The following PTPRN2 variants were observed in gnomAD, a reference collection of about 807,000 sequenced individuals.
PTPRN2 encodes receptor-type tyrosine-protein phosphatase N2.
In PTPRN2, 74 loss-of-function variants were observed where a neutral mutation model predicts 118.8. The observed-to-expected ratio is 0.62, with a 90% CI of 0.52 to 0.76. PTPRN2 has a LOEUF of 0.76. Among genes scored for constraint, PTPRN2 ranks in the 30% least tolerant of loss-of-function variants. PTPRN2 has a pLI of 0.00. For synonymous variants in PTPRN2, 641 were observed against 608.0 expected, an observed-to-expected ratio of 1.05 and a Z score of -0.80; for missense variants, 1,481 against 1,394.4, an observed-to-expected ratio of 1.06 and a Z score of -0.99.
intron 21 of PTPRN2, among the ~76,000 whole-genome samples, chr7:157,564,901 G>A (rs766492732): frequency 4.6e-5 from 7 of 152,206 alleles, no homozygotes; most frequent in Non-Finnish European, 7.3e-5. Flanking sequence ...CGGAAACAAC[G>A]GCACTGTCCA....
intron 11 of PTPRN2, among the ~76,000 whole-genome samples, chr7:157,946,717 G>C (rs1800511037): frequency 6.6e-6 from 1 of 152,232 alleles, no homozygotes; most frequent in African/African-American, 2.4e-5. Flanking sequence ...GGTTACTTTT[G>C]TCCACAAAAT....
intron 2 of PTPRN2, among the ~76,000 whole-genome samples, chr7:158,409,770 C>T (rs1465327517): frequency 6.6e-6 from 1 of 152,188 alleles, no homozygotes; most frequent in Non-Finnish European, 1.5e-5. Context: ...CAGGTGCCCT[C>T]ACAGAGCATG....
intron 2 of PTPRN2, among the ~76,000 whole-genome samples, chr7:158,333,842 T>G (rs201438586): frequency 2.6e-5 from 1 of 39,164 alleles, no homozygotes; most frequent in South Asian, 7.1e-4. Context: ...ACTCTCACCA[T>G]AGAGCTGACA....
At chr7:157,709,619 C>T (rs879604805) in intron 12 of PTPRN2, among the ~76,000 whole-genome samples, 4 of 152,206 alleles carry the variant, frequency 2.6e-5, no homozygotes, top group Non-Finnish European at 5.9e-5. Context: ...CGTTGTGCAG[C>T]CACATGGCCC....
intron 12 of PTPRN2, among the ~76,000 whole-genome samples, chr7:157,819,148 G>A (rs1035352027): frequency 3.9e-5 from 6 of 152,138 alleles, no homozygotes; most frequent in East Asian, 1.9e-4. Context: ...ACCTGCACCC[G>A]CTCAGGGTGG....
rs566437948 is a variant in PTPRN2 at position 158,180,292 on chromosome 7, T to C, written c.549+12035A>G. On this transcript the variant is annotated intron_variant, in intron 5 of 22. Coordinates refer to ENST00000389418, the MANE Select transcript of PTPRN2 (RefSeq NM_002847.5). ...CAAAGATCAGTTGGTTGTAAGTGTT[T>C]GGGTTTATTTCTGGGTTCTTTATTC... Among the ~76,000 whole-genome samples the C allele has an allele frequency of 1.1e-4, 17 of 152,352 alleles. No individual in the cohort carries two copies. In the South Asian group the frequency reaches 3.5e-3, roughly 32 times the overall value.
At chr7:157,778,380 C>T (rs1291279522) in intron 12 of PTPRN2, among the ~76,000 whole-genome samples, 5 of 151,572 alleles carry the variant, frequency 3.3e-5, no homozygotes, top group South Asian at 4.2e-4. Flanking sequence ...AACATGTCCA[C>T]GTGAATACAG....
intron 13 of PTPRN2, among the ~76,000 whole-genome samples, chr7:157,673,431 C>G (rs1796507542): frequency 6.6e-6 from 1 of 152,220 alleles, no homozygotes; most frequent in African/African-American, 2.4e-5. Flanking sequence ...AAGAAGGGAG[C>G]ACTATTCTGC....
At chr7:158,042,530 A>G (rs779949970) in intron 11 of PTPRN2, among the ~76,000 whole-genome samples, 2 of 152,238 alleles carry the variant, frequency 1.3e-5, no homozygotes, top group Non-Finnish European at 2.9e-5. Flanking sequence ...AATCCTAAAT[A>G]TAACATTTCC....
At chr7:158,138,719 A>G (rs1819081253) in intron 6 of PTPRN2, among the ~76,000 whole-genome samples, 1 of 152,184 alleles carries the variant, frequency 6.6e-6, no homozygotes. Flanking sequence ...TCACTAGTTC[A>G]GTTCCCCAGA....
intron 14 of PTPRN2, among the ~76,000 whole-genome samples, chr7:157,644,925 G>T (rs1038657691): frequency 6.6e-6 from 1 of 152,192 alleles, no homozygotes; most frequent in Non-Finnish European, 1.5e-5. Flanking sequence ...CTACCCAGCC[G>T]GCTCCTTTCT....
At chr7:158,141,900 T>A (rs946329465) in intron 6 of PTPRN2, among the ~76,000 whole-genome samples, 3 of 152,224 alleles carry the variant, frequency 2.0e-5, no homozygotes, top group Non-Finnish European at 4.4e-5. Flanking sequence ...GTACACGAAA[T>A]GTGTGACGGA....
At chr7:158,272,570 G>A (rs1425177892) in intron 3 of PTPRN2, among the ~76,000 whole-genome samples, 2 of 152,180 alleles carry the variant, frequency 1.3e-5, no homozygotes, top group African/African-American at 4.8e-5. Flanking sequence ...CCACCTCAAA[G>A]ACACCGCACG....
intron 17 of PTPRN2, among the ~76,000 whole-genome samples, chr7:157,588,174 G>A (rs1202579921): frequency 2.0e-5 from 3 of 152,242 alleles, no homozygotes; most frequent in Non-Finnish European, 4.4e-5. Flanking sequence ...TGTATCTCCT[G>A]GGCACAGCCA....
At chr7:158,146,795 G>T (rs563116338) in intron 6 of PTPRN2, among the ~76,000 whole-genome samples, 1 of 151,628 alleles carries the variant, frequency 6.6e-6, no homozygotes, top group African/African-American at 2.4e-5. Flanking sequence ...CTACAACATT[G>T]TTCTCACACC....
intron 10 of PTPRN2, among the ~76,000 whole-genome samples, chr7:158,100,456 A>T (rs1406325656): frequency 1.3e-5 from 2 of 152,158 alleles, no homozygotes; most frequent in African/African-American, 4.8e-5. Flanking sequence ...TAGTTCTTTT[A>T]GTTCTTTAAG....
At chr7:158,432,051 A>G (rs977546796) in intron 2 of PTPRN2, among the ~76,000 whole-genome samples, 2 of 151,976 alleles carry the variant, frequency 1.3e-5, no homozygotes, top group African/African-American at 4.8e-5. Flanking sequence ...TGGTCACATG[A>G]CCCCTCCTGA....
At chr7:158,462,924 T>C (rs1190714563) in intron 2 of PTPRN2, among the ~76,000 whole-genome samples, 54 of 141,524 alleles carry the variant, frequency 3.8e-4, no homozygotes, top group Non-Finnish European at 3.1e-5. Flanking sequence ...TGCAACAACT[T>C]GGGGGTTACA....
chr7:158,456,503 G>A (rs760824514), intron 2 of PTPRN2, among the ~76,000 whole-genome samples: 3 of 145,584 alleles, frequency 2.1e-5, no homozygotes, highest in Non-Finnish European at 3.0e-5. Context: ...AGAACATAAC[G>A]GCACGGATGC....
Sources: allele counts gnomAD v4.1 joint callset (sites outside exome capture counted in the v4.1 genomes callset), GRCh38; gene constraint gnomAD v4.1.1; transcripts MANE v1.5; gene names NCBI Gene and HGNC (gene_info 2026-07-23, HGNC 2026-07-21).